GALNTL6: variants seen among roughly 807,000 people sequenced by gnomAD.
The protein encoded by GALNTL6 is polypeptide N-acetylgalactosaminyltransferase like 6.
Under a neutral mutation model 73.7 loss-of-function variants are expected in GALNTL6, and 46 were observed. The ratio of observed to expected loss-of-function variants is 0.62; its 90% CI spans 0.49 to 0.80. GALNTL6 has a LOEUF of 0.80. Among genes scored for constraint, GALNTL6 ranks in the 30% least tolerant of loss-of-function variants. The pLI, the probability that GALNTL6 is intolerant of heterozygous loss-of-function variation, is 0.00. For missense variants in GALNTL6, 604 were observed against 755.0 expected (o/e 0.80, Z 2.34); for synonymous variants, 259 against 263.7 (o/e 0.98, Z 0.17).
At chr4:172,150,505 T>C (rs1397960520) in intron 2 of GALNTL6, among the ~76,000 whole-genome samples, 3 of 152,150 alleles carry the variant, frequency 2.0e-5, no homozygotes, top group Non-Finnish European at 2.9e-5. Context: ...GACAGAAAAA[T>C]CTTTTTGAGA....
intron 9 of GALNTL6, among the ~76,000 whole-genome samples, chr4:172,949,212 C>T (rs1382349257): frequency 6.6e-6 from 1 of 152,194 alleles, no homozygotes; most frequent in Non-Finnish European, 1.5e-5. Context: ...CAGATGAGCA[C>T]ACACGTTTCT....
chr4:172,713,221 GATGTGTGTGTGTGTGTGT>G (rs894702697), intron 5 of GALNTL6, among the ~76,000 whole-genome samples: 1 of 74,272 alleles, frequency 1.3e-5, no homozygotes, highest in Non-Finnish European at 2.8e-5. Context: ...AAAAGAATAA[GATGTGTGTGTGTGTGTGT>G]GTGTGTGTGT....
At chr4:172,721,185 A>G (rs962365382) in intron 5 of GALNTL6, among the ~76,000 whole-genome samples, 20 of 152,240 alleles carry the variant, frequency 1.3e-4, no homozygotes, top group Admixed American at 3.9e-4. Flanking sequence ...TTATTAGTCA[A>G]TAATAACATT....
chr4:172,926,516 A>G (rs1388780100), intron 8 of GALNTL6, among the ~76,000 whole-genome samples: 2 of 152,216 alleles, frequency 1.3e-5, no homozygotes, highest in Non-Finnish European at 2.9e-5. Flanking sequence ...AGGCCAGAAA[A>G]TGTAAGGCAT....
Position 172,212,672 on chromosome 4 carries a change from T to C in GALNTL6, c.139-16984T>C, listed in dbSNP as rs771436457. On this transcript the variant is annotated intron_variant, in intron 2 of 12. Coordinates refer to ENST00000506823, the MANE Select transcript of GALNTL6 (RefSeq NM_001034845.3). ...AACCACTGCTCTTATATTTTTATTTTATTTTATTTTTTTAGATGGAGTTTC... is the reference window on the plus strand; with the variant it reads ...AACCACTGCTCTTATATTTTTATTTCATTTTATTTTTTTAGATGGAGTTTC... Among the ~76,000 whole-genome samples, 38 of 152,078 alleles carry C rather than the reference T, an allele frequency of 2.5e-4. 1 individual carries two copies. The highest frequency in any genetic ancestry group is 3.7e-4 in the Non-Finnish European group (25 of 68,016).
At chr4:172,661,568 T>G (rs1484461648) in intron 5 of GALNTL6, among the ~76,000 whole-genome samples, 1 of 152,168 alleles carries the variant, frequency 6.6e-6, no homozygotes, top group Non-Finnish European at 1.5e-5. Context: ...AATTATAATA[T>G]TCTTTGCTAG....
At chr4:171,860,153 G>C (rs1735796086) in intron 2 of GALNTL6, among the ~76,000 whole-genome samples, 1 of 152,134 alleles carries the variant, frequency 6.6e-6, no homozygotes, top group South Asian at 2.1e-4. Flanking sequence ...TTAGCTTATA[G>C]AATGTGTCAA....
At chr4:172,668,664 C>A (rs1348755058) in intron 5 of GALNTL6, 1 of 152,134 alleles carries the variant, frequency 6.6e-6, no homozygotes, top group Non-Finnish European at 1.5e-5. Context: ...AATCTATTGG[C>A]CTCTCTCAGC....
intron 2 of GALNTL6, among the ~76,000 whole-genome samples, chr4:171,833,933 G>A (rs1735038854): frequency 1.3e-5 from 2 of 151,648 alleles, no homozygotes; most frequent in African/African-American, 4.8e-5. Context: ...AAAATACGGA[G>A]CAAAATATGC....
intron 5 of GALNTL6, among the ~76,000 whole-genome samples, chr4:172,432,063 C>A (rs1482480476): frequency 6.6e-6 from 1 of 151,956 alleles, no homozygotes; most frequent in Non-Finnish European, 1.5e-5. Flanking sequence ...AATAAAATAG[C>A]GCTTTCTAGC....
At chr4:172,462,433 A>G (rs1732652055) in intron 5 of GALNTL6, among the ~76,000 whole-genome samples, 1 of 152,172 alleles carries the variant, frequency 6.6e-6, no homozygotes, top group African/African-American at 2.4e-5. Flanking sequence ...GGCCTGGCCC[A>G]GGTAGCTAAG....
At chr4:171,932,156 G>A (rs533882042) in intron 2 of GALNTL6, among the ~76,000 whole-genome samples, 3 of 152,088 alleles carry the variant, frequency 2.0e-5, no homozygotes, top group Non-Finnish European at 4.4e-5. Context: ...AAAAATATAG[G>A]TATAGGTGTG....
At chr4:172,784,811 C>A (rs186003075) in intron 5 of GALNTL6, among the ~76,000 whole-genome samples, 1 of 152,260 alleles carries the variant, frequency 6.6e-6, no homozygotes, top group African/African-American at 2.4e-5. Context: ...TAAAAGTGAT[C>A]TTTGGGGTAG....
intron 10 of GALNTL6, among the ~76,000 whole-genome samples, chr4:172,957,455 G>A (rs1179460346): frequency 6.6e-6 from 1 of 152,176 alleles, no homozygotes; most frequent in Admixed American, 6.5e-5. Flanking sequence ...GTAGGTGGGA[G>A]TGGTCAGATG....
chr4:173,009,380 G>A (rs749766270), intron 11 of GALNTL6, 86 bp downstream of exon 11: 44 of 831,548 alleles, frequency 5.3e-5, no homozygotes, highest in Non-Finnish European at 8.3e-5. Flanking sequence ...ACAAATCTCC[G>A]AATGGTGCAG....
chr4:172,729,288 C>CA (rs560792045), intron 5 of GALNTL6, among the ~76,000 whole-genome samples: 7 of 152,092 alleles, frequency 4.6e-5, no homozygotes, highest in African/African-American at 1.4e-4. Context: ...AGGTCTTACA[C>CA]AAAAAAATCT....
chr4:172,680,225 T>C (rs932594586), intron 5 of GALNTL6, among the ~76,000 whole-genome samples: 4 of 152,206 alleles, frequency 2.6e-5, no homozygotes, highest in African/African-American at 2.4e-5. Context: ...ATTTACATTG[T>C]GTAGTTTTTT....
Position 171,966,219 on chromosome 4 carries a change from C to A in GALNTL6, c.138+151501C>A, listed in dbSNP as rs561577716. The stretch of plus-strand genomic sequence containing the variant: ...AGTTTACCTTCTGGCATCTCCAGCA[C>A]AGCATATACATTCTGAATTTATAGC... On this transcript the variant is annotated intron_variant, in intron 2 of 12. Coordinates refer to ENST00000506823, the MANE Select transcript of GALNTL6 (RefSeq NM_001034845.3). Among the ~76,000 whole-genome samples the A allele has an allele frequency of 8.5e-5, 13 of 152,302 alleles. No homozygotes were observed. In the South Asian group the frequency reaches 2.5e-3, roughly 29 times the overall value.
At chr4:172,146,264 A>C (rs1039746400) in intron 2 of GALNTL6, among the ~76,000 whole-genome samples, 9 of 152,206 alleles carry the variant, frequency 5.9e-5, no homozygotes, top group Non-Finnish European at 1.3e-4. Flanking sequence ...CTCCAGGTCA[A>C]TCAATTCTTT....
Sources: gnomAD v4.1 joint callset for allele counts (sites outside exome capture counted in the v4.1 genomes callset) on GRCh38, gnomAD v4.1.1 for gene constraint, MANE v1.5 for transcripts, NCBI Gene and HGNC (gene_info 2026-07-23, HGNC 2026-07-21) for gene names.